Variants in CACNB4 observed in about 807,000 individuals in gnomAD.
CACNB4 encodes calcium voltage-gated channel auxiliary subunit beta 4.
A neutral mutation model predicts 71.2 loss-of-function variants in CACNB4; 32 were observed. The observed-to-expected ratio is 0.45, with a 90% confidence interval of 0.34 to 0.60. CACNB4 has a LOEUF of 0.60. Ranked by LOEUF, CACNB4 falls within the 20% of genes least tolerant of loss-of-function variation. CACNB4 has a pLI of 0.01. For missense variants in CACNB4, 464 were observed against 647.9 expected (o/e 0.72, Z 3.08); for synonymous variants, 231 against 236.9 (o/e 0.97, Z 0.23).
chr2:151,894,587 A>T (rs1346722899), intron 2 of CACNB4, among the ~76,000 whole-genome samples: 1 of 152,188 alleles, frequency 6.6e-6, no homozygotes, highest in Non-Finnish European at 1.5e-5. Flanking sequence ...AAGAAATAAA[A>T]GGCATCCAGA....
intron 2 of CACNB4, among the ~76,000 whole-genome samples, chr2:151,905,516 T>C (rs1202686584): frequency 1.3e-5 from 2 of 152,240 alleles, no homozygotes; most frequent in Admixed American, 6.5e-5. Flanking sequence ...CTTTGCTCTC[T>C]TTAATTCAGA....
chr2:151,893,948 C>CA (rs554299305), intron 2 of CACNB4, among the ~76,000 whole-genome samples: 54 of 152,064 alleles, frequency 3.6e-4, no homozygotes, highest in Non-Finnish European at 7.2e-4. Flanking sequence ...AAGGACAAAG[C>CA]AAAAAAAGAA....
intron 2 of CACNB4, among the ~76,000 whole-genome samples, chr2:151,906,477 G>A (rs2099854846): frequency 6.6e-6 from 1 of 152,192 alleles, no homozygotes. Context: ...GAGCCTAAGA[G>A]CAGTTACTCT....
chr2:151,942,412 G>C (rs1207486763), intron 2 of CACNB4, among the ~76,000 whole-genome samples: 1 of 149,004 alleles, frequency 6.7e-6, no homozygotes, highest in Non-Finnish European at 1.5e-5. Flanking sequence ...ATCACCTCAG[G>C]ACCACTGTGA....
intron 2 of CACNB4, among the ~76,000 whole-genome samples, chr2:152,053,443 C>T (rs1426918482): frequency 1.3e-5 from 2 of 151,952 alleles, no homozygotes; most frequent in African/African-American, 2.4e-5. Flanking sequence ...ACTAGCTGTT[C>T]GATTGTATCC....
At position 151,870,521 on chromosome 2, in the gene CACNB4, A is replaced by G; in HGVS notation, c.699+10T>C. The G allele has an allele frequency of 6.2e-7, 1 of 1,607,134 alleles. No homozygotes were observed. Among genetic ancestry groups the G allele is most frequent in the Non-Finnish European group, 8.5e-7 (1 of 1,173,898 alleles). On this transcript the variant is annotated intron_variant, in intron 8 of 13. Transcript: ENST00000539935. ...ATCAAGAACTGAAGAGTAACAGATG[A>G]TATTTGTACCTCGTAACCTTTCAGT...
At chr2:151,926,602 T>C (rs1281888523) in intron 2 of CACNB4, among the ~76,000 whole-genome samples, 1 of 152,218 alleles carries the variant, frequency 6.6e-6, no homozygotes, top group Non-Finnish European at 1.5e-5. Context: ...TTTTGACTCC[T>C]CCCTAATGCA....
intron 2 of CACNB4, chr2:151,969,088 T>A (rs570744170): frequency 3.3e-5 from 5 of 152,308 alleles, no homozygotes; most frequent in African/African-American, 1.2e-4. Context: ...CCAACACAGC[T>A]CAGCTGAGTA....
intron 6 of CACNB4, chr2:151,872,196 T>C (rs1328842463): frequency 4.1e-6 from 2 of 482,812 alleles, no homozygotes; most frequent in Non-Finnish European, 7.3e-6. Context: ...GAGGGGTAAA[T>C]AAGATTTTTC....
At chr2:152,061,291 G>A (rs1686000585) in intron 2 of CACNB4, among the ~76,000 whole-genome samples, 1 of 152,000 alleles carries the variant, frequency 6.6e-6, no homozygotes, top group Non-Finnish European at 1.5e-5. Context: ...CAGCTTGGGT[G>A]ACAGAGCAAG....
At chr2:151,908,104 G>A (rs1248220054) in intron 2 of CACNB4, among the ~76,000 whole-genome samples, 1 of 152,188 alleles carries the variant, frequency 6.6e-6, no homozygotes, top group South Asian at 2.1e-4. Flanking sequence ...CTCTGCTGCT[G>A]TCAAAGCCCA....
chr2:152,052,952 A>C (rs370911918), intron 2 of CACNB4, among the ~76,000 whole-genome samples: 6 of 152,146 alleles, frequency 3.9e-5, no homozygotes, highest in African/African-American at 1.4e-4. Context: ...ACTGCACTCC[A>C]GCCTCGGTGA....
intron 2 of CACNB4, among the ~76,000 whole-genome samples, chr2:151,892,704 C>T (rs1017121412): frequency 3.3e-5 from 5 of 152,202 alleles, no homozygotes; most frequent in Non-Finnish European, 7.3e-5. Context: ...GGAGTCATGT[C>T]TTACCAGTTT....
chr2:151,930,183 A>C (rs1159343478), intron 2 of CACNB4, among the ~76,000 whole-genome samples: 1 of 152,164 alleles, frequency 6.6e-6, no homozygotes, highest in Non-Finnish European at 1.5e-5. Flanking sequence ...GAGTTCAGAG[A>C]AAGTTCTACG....
intron 2 of CACNB4, among the ~76,000 whole-genome samples, chr2:152,056,866 C>T (rs1560167674): frequency 6.6e-6 from 1 of 150,438 alleles, no homozygotes; most frequent in South Asian, 2.2e-4. Context: ...TTGTTCTCTG[C>T]TATGTGTCTT....
At chr2:152,049,051 A>G (rs904209322) in intron 2 of CACNB4, among the ~76,000 whole-genome samples, 1 of 152,222 alleles carries the variant, frequency 6.6e-6, no homozygotes, top group African/African-American at 2.4e-5. Context: ...GGAAGAATTC[A>G]TAAGCGGTAG....
intron 2 of CACNB4, among the ~76,000 whole-genome samples, chr2:151,888,913 T>C (rs547857889): frequency 2.6e-5 from 4 of 152,232 alleles, no homozygotes; most frequent in Non-Finnish European, 5.9e-5. Context: ...ATGATGGACA[T>C]GGACACTGTC....
chr2:152,024,866 G>A (rs1173111321), intron 2 of CACNB4, among the ~76,000 whole-genome samples: 1 of 152,196 alleles, frequency 6.6e-6, no homozygotes, highest in South Asian at 2.1e-4. Context: ...GACCAGCCTG[G>A]CCAACATGGC....
In CACNB4 at chr2:151,955,019, A is replaced by C. The variant is rs2099867874; in HGVS notation, c.148-71649T>G. Among the ~76,000 whole-genome samples the C allele has an allele frequency of 2.0e-5, 3 of 151,908 alleles. No homozygotes were observed. The South Asian group carries it at 6.2e-4, about 32-fold the overall frequency. On this transcript the variant is annotated intron_variant, in intron 2 of 13. Coordinates refer to ENST00000539935, the MANE Select transcript of CACNB4 (RefSeq NM_000726.5). ...CAGGCACCCGCCACGATGCCCAGCT[A>C]ATTTTTTTTGTATTTTTAGTAGAGA...
Sources: gnomAD v4.1 joint callset for allele counts (sites outside exome capture counted in the v4.1 genomes callset) on GRCh38, gnomAD v4.1.1 for gene constraint, MANE v1.5 for transcripts, NCBI Gene and HGNC (gene_info 2026-07-23, HGNC 2026-07-21) for gene names.